Variants in ANAPC2 observed in about 807,000 individuals in gnomAD.
The protein encoded by ANAPC2 is anaphase promoting complex subunit 2.
ANAPC2 carries 29 observed loss-of-function variants against 84.3 expected under a neutral mutation model. That is an observed-to-expected ratio of 0.34 (90% CI 0.26 to 0.47). ANAPC2 has a LOEUF of 0.47. Among genes scored for constraint, ANAPC2 ranks in the 20% least tolerant of loss-of-function variants. ANAPC2 has a pLI of 1.00. For synonymous variants in ANAPC2, 571 were observed against 479.4 expected (o/e 1.19, Z -2.50); for missense variants, 857 against 1,131.7 (o/e 0.76, Z 3.48).
In ANAPC2 at chr9:137,175,526, C is replaced by T. The variant is rs962555615; in HGVS notation, c.2021-54G>A. ...CAGCCTGGGCACGGGCTGCACCTCC[C>T]CTGCCTCCCGTCAGCCGAGAGGTCG... is the stretch of plus-strand genomic sequence containing the variant. On this transcript the variant is annotated intron_variant, in intron 11 of 12. Transcript: ENST00000323927. 3.3e-6 allele frequency: 5 copies of T among 1,500,524 alleles called. No homozygotes were observed. In the South Asian group the frequency reaches 3.8e-5, roughly 12 times the overall value. 93.0% of individuals were successfully genotyped at this position (1,500,524 alleles called of 1,614,324 possible).
At chr9:137,183,873 G>A (rs1834395848) in intron 4 of ANAPC2, 82 bp from the exon 5 acceptor site, 1 of 1,555,930 alleles carries the variant, frequency 6.4e-7, no homozygotes, top group Non-Finnish European at 8.7e-7. Context: ...TGCGGTGTGG[G>A]AAAGGACACG....
Position 137,187,676 on chromosome 9 carries a change from C to G in ANAPC2, c.545G>C (p.Arg182Thr), listed in dbSNP as rs767134221. Residue 182 changes from arginine to threonine, a missense_variant, in exon 2 of 13, where the codon AGA becomes ACA. Physicochemically the swap from Arg to Thr is moderately conservative, Grantham distance 71. This residue lies in a region of ANAPC2 where 428 missense variants were observed against 513.8 expected (regional missense o/e 0.83). Coordinates refer to ENST00000323927, the MANE Select transcript of ANAPC2 (RefSeq NM_013366.4). ...MIQRLYGCFL[R>T]VYMQSKRKGE... ...CTTCCTCTTACTCTGCATATAGACT[C>G]TCAAGAAGCACCCATACAGACGCTG... is the stretch of plus-strand genomic sequence containing the variant. 1.9e-6 allele frequency: 3 copies of G among 1,614,080 alleles called. No homozygotes were observed. Among genetic ancestry groups the G allele is most frequent in the Non-Finnish European group, 2.5e-6 (3 of 1,180,032 alleles).
Position 137,186,300 on chromosome 9 carries a change from T to C in ANAPC2, c.797A>G (p.His266Arg). 1 of 1,612,074 alleles carries C rather than the reference T, an allele frequency of 6.2e-7. No individual in the cohort carries two copies. The highest frequency in any genetic ancestry group is 1.1e-5 in the South Asian group (1 of 90,992). Residue 266 changes from histidine to arginine, a missense_variant, in exon 3 of 13, where the codon CAC becomes CGC. Transcript: ENST00000323927. The part of the protein sequence containing the change: ...VSAEAVTTTL[H>R]QVTRERMEDR... ...CTCCATCCTCTCCCGGGTCACCTGG[T>C]GCAGGGTGGTGGTCACAGCCTCGGC...
chr9:137,174,927 C>A lies in ANAPC2; in HGVS notation c.*15G>T. On this transcript the variant is annotated 3_prime_UTR_variant, in exon 13 of 13. Coordinates refer to ENST00000323927, the MANE Select transcript of ANAPC2 (RefSeq NM_013366.4). The surrounding 1 kb of genome is among the most constrained non-coding windows in gnomAD (Gnocchi z 6.1). The stretch of plus-strand genomic sequence containing the variant: ...GGGCAGCGCCTGGCGGGCGGGCGGG[C>A]GGGCGGGCGATGTGTCAGCTGCAGT... 1 of 998,630 alleles carries A rather than the reference C, an allele frequency of 1.0e-6. No individual in the cohort carries two copies. Among genetic ancestry groups the A allele is most frequent in the Non-Finnish European group, 1.3e-6 (1 of 768,524 alleles). 61.9% of individuals were successfully genotyped at this position (998,630 alleles called of 1,614,324 possible).
Position 137,185,002 on chromosome 9 carries a change from G to T in ANAPC2, c.959C>A (p.Thr320Asn). ...ARPASPEAGN[T>N]LRRWRCHVQR... Reference sequence around the variant, plus strand: ...CACGTGGCAGCGCCAGCGGCGCAGGGTGTTGCCGGCCTCGGGAGATGCGGG... The same window carrying T: ...CACGTGGCAGCGCCAGCGGCGCAGGTTGTTGCCGGCCTCGGGAGATGCGGG... Residue 320 changes from threonine to asparagine, a missense_variant, in exon 4 of 13, where the codon ACC (threonine) becomes AAC (asparagine). Around this residue, in one of 3 missense-constraint regions of ANAPC2, gnomAD observed 428 missense variants for 513.8 expected, o/e 0.83. Coordinates refer to ENST00000323927, the MANE Select transcript of ANAPC2 (RefSeq NM_013366.4). 2 of 1,608,636 alleles carry T rather than the reference G, an allele frequency of 1.2e-6. No homozygotes were observed. The highest frequency in any genetic ancestry group is 1.7e-5 in the Admixed American group (1 of 59,148).
intron 6 of ANAPC2, among the ~76,000 whole-genome samples, chr9:137,182,760 A>G (rs1304401856): frequency 6.6e-6 from 1 of 152,158 alleles, no homozygotes; most frequent in East Asian, 1.9e-4. Context: ...TTGCCGTGGG[A>G]AAGGCCAGGA....
chr9:137,185,788 G>A (rs1834452664), intron 3 of ANAPC2, among the ~76,000 whole-genome samples: 1 of 152,188 alleles, frequency 6.6e-6, no homozygotes, highest in Non-Finnish European at 1.5e-5. Context: ...ACAGGTGCCT[G>A]GAGGCCCCAT....
chr9:137,174,891 GAGCACCTGCAGGGC>G lies in ANAPC2; in HGVS notation c.*37_*50del. ...GGCGGGGGCTGGCACGGGAGGACGA[GAGCACCTGCAGGGC>G]AGCGCCTGGCGGGCGGGCGGGCGGG... On this transcript the variant is annotated 3_prime_UTR_variant, in exon 13 of 13. Transcript: ENST00000323927. This position sits in a 1 kb window ranked among gnomAD's most constrained non-coding sequence, Gnocchi z 6.1. The G allele has an allele frequency of 7.1e-7, 1 of 1,402,912 alleles. No homozygotes were observed. Among genetic ancestry groups the G allele is most frequent in the Non-Finnish European group, 9.4e-7 (1 of 1,066,308 alleles). The allele number at this position is 1,402,912 out of a possible 1,614,324, so 86.9% of individuals were successfully genotyped here.
chr9:137,175,047 G>C lies in ANAPC2; in HGVS notation c.2364C>G (p.Ala788=). Reference sequence around the variant, plus strand: ...CCTGCAGCTCCTGCAGGTCAATCTCGGCCAGTGCAGGCCCAGTCACCACAA... The same window carrying C: ...CCTGCAGCTCCTGCAGGTCAATCTCCGCCAGTGCAGGCCCAGTCACCACAA... ...RMFVVTGPAL[A]EIDLQELQGY... The change falls in exon 13 of 13, where the codon GCC becomes GCG. Residue 788 remains alanine, a synonymous_variant. Coordinates refer to ENST00000323927, the MANE Select transcript of ANAPC2 (RefSeq NM_013366.4). The C allele has an allele frequency of 6.2e-7, 1 of 1,605,042 alleles. No individual in the cohort carries two copies. The highest frequency in any genetic ancestry group is 8.5e-7 in the Non-Finnish European group (1 of 1,176,656).
At position 137,181,801 on chromosome 9, in the gene ANAPC2, C is replaced by T; in HGVS notation, c.1348G>A (p.Gly450Arg). Residue 450 changes from glycine to arginine, a missense_variant, in exon 7 of 13, where the codon GGG (glycine) becomes AGG (arginine). Physicochemically the swap from Gly to Arg is moderately radical, Grantham distance 125 (BLOSUM62 -2). Transcript: ENST00000323927. ...AGLTGDSDGT[G>R]DLAVELSKTD... ...TTGGACAGCTCAACAGCCAGGTCCC[C>T]TGTCCCGTCCGAGTCCCCCGTCAGC... The T allele has an allele frequency of 6.2e-7, 1 of 1,609,836 alleles. No homozygotes were observed. The highest frequency in any genetic ancestry group is 8.5e-7 in the Non-Finnish European group (1 of 1,179,960).
At chr9:137,180,066 C>A in intron 10 of ANAPC2, 115 bp downstream of exon 10, 3 of 1,223,358 alleles carry the variant, frequency 2.5e-6, no homozygotes, top group Non-Finnish European at 3.4e-6. Context: ...GAGACAGGAC[C>A]AACCCAGAGA....
intron 11 of ANAPC2, 85 bp from the exon 12 acceptor site, chr9:137,175,557 C>T (rs989065858): frequency 2.0e-6 from 3 of 1,480,462 alleles, no homozygotes; most frequent in African/African-American, 1.4e-5. Flanking sequence ...GGTCGGGGGG[C>T]TCCCGGGCCA....
In ANAPC2 at chr9:137,175,793, G is replaced by A; in HGVS notation, c.1935C>T (p.Thr645=). 6.2e-7 allele frequency: 1 copy of A among 1,610,360 alleles called. No homozygotes were observed. Among genetic ancestry groups the A allele is most frequent in the Middle Eastern group, 1.7e-4 (1 of 6,056 alleles). ...LSWKHTLGLV[T]MDVELADRTL... ...TGCGGTCGGCCAGCTCCACGTCCAT[G>A]GTCACCAGGCCCAGGGTGTGCTTCC... Residue 645 remains threonine, a synonymous_variant, in exon 11 of 13, where the codon ACC becomes ACT. Coordinates refer to ENST00000323927, the MANE Select transcript of ANAPC2 (RefSeq NM_013366.4).
chr9:137,175,674 C>T (rs748324333), intron 11 of ANAPC2, 34 bp downstream of exon 11: 1 of 1,595,350 alleles, frequency 6.3e-7, no homozygotes, highest in Non-Finnish European at 8.6e-7. Context: ...GGCCGTGTGG[C>T]CGGGGCAGGC....
chr9:137,182,095 A>G (rs1834356402), intron 6 of ANAPC2, among the ~76,000 whole-genome samples: 1 of 152,212 alleles, frequency 6.6e-6, no homozygotes, highest in Non-Finnish European at 1.5e-5. Flanking sequence ...GCGCACCTGC[A>G]ATCCCAGCAC....
At position 137,181,811 on chromosome 9, in the gene ANAPC2, C is replaced by T. The variant is rs1324066363; in HGVS notation, c.1338G>A (p.Ser446=). ...CAACAGCCAGGTCCCCTGTCCCGTC[C>T]GAGTCCCCCGTCAGCCCAGCCACAA... ...RQIVAGLTGD[S]DGTGDLAVEL... The change falls in exon 7 of 13, where the codon TCG becomes TCA. Residue 446 remains serine, a synonymous_variant. Transcript: ENST00000323927. The T allele has an allele frequency of 1.1e-5, 17 of 1,608,874 alleles. No individual in the cohort carries two copies. Among genetic ancestry groups the T allele is most frequent in the African/African-American group, 2.7e-5 (2 of 74,920 alleles).
intron 1 of ANAPC2, 32 bp from the exon 2 acceptor site, chr9:137,188,135 A>T (rs373470065): frequency 1.8e-5 from 28 of 1,598,682 alleles, no homozygotes; most frequent in Non-Finnish European, 2.4e-5. Flanking sequence ...GGCGAGGGGA[A>T]CACAACATAG....
At chr9:137,188,273 G>A (rs1381704706) in intron 1 of ANAPC2, 143 bp downstream of exon 1, 11 of 1,291,100 alleles carry the variant, frequency 8.5e-6, no homozygotes, top group Non-Finnish European at 1.2e-5. Context: ...TGAACGAAAC[G>A]AAACGGAAAG....
Position 137,175,775 on chromosome 9 carries a change from G to A in ANAPC2, c.1953C>T (p.Ala651=), listed in dbSNP as rs117538790. The change falls in exon 11 of 13, where the codon GCC becomes GCT. Residue 651 remains alanine (A), a synonymous_variant. Transcript: ENST00000323927. The part of the protein sequence containing the change: ...LGLVTMDVEL[A]DRTLSVAVTP... Reference sequence around the variant, plus strand: ...TGACCGCCACAGACAGCGTGCGGTCGGCCAGCTCCACGTCCATGGTCACCA... The same window carrying A: ...TGACCGCCACAGACAGCGTGCGGTCAGCCAGCTCCACGTCCATGGTCACCA... 2.5e-5 allele frequency: 41 copies of A among 1,611,332 alleles called. No homozygotes were observed. In the East Asian group the frequency reaches 5.1e-4, roughly 20 times the overall value.
Sources: allele counts gnomAD v4.1 joint callset (sites outside exome capture counted in the v4.1 genomes callset), GRCh38; gene constraint gnomAD v4.1.1; regional missense constraint gnomAD v4.1.1; non-coding constraint Gnocchi (gnomAD v3.1); transcripts MANE v1.5; gene names NCBI Gene and HGNC (gene_info 2026-07-23, HGNC 2026-07-21).